MUC5B: variants seen among roughly 807,000 people sequenced by gnomAD.
MUC5B encodes the protein mucin 5B, oligomeric mucus/gel-forming.
In MUC5B, 116 loss-of-function variants were observed where a neutral mutation model predicts 376.9. The observed-to-expected ratio is 0.31, with a 90% CI of 0.26 to 0.36. The LOEUF (loss-of-function observed/expected upper bound fraction) is 0.36, where lower values mean the gene tolerates loss of function less well. Among genes scored for constraint, MUC5B ranks in the 10% least tolerant of loss-of-function variants. The pLI is 1.00. For synonymous variants in MUC5B, 3,517 were observed against 3,390.9 expected (o/e 1.04, Z -1.29); for missense variants, 7,165 against 7,769.9 (o/e 0.92, Z 2.93).
At chr11:1,254,671 A>C in intron 34 of MUC5B, 23 bp from the exon 35 acceptor site, 1 of 1,603,486 alleles carries the variant, frequency 6.2e-7, no homozygotes, top group Non-Finnish European at 8.5e-7. Context: ...CTCCCAGCTC[A>C]GGGTTCCCCT....
At position 1,248,606 on chromosome 11, in the gene MUC5B, T is replaced by C. The variant is rs781298865; in HGVS notation, c.11726T>C (p.Val3909Ala). The C allele has an allele frequency of 3.3e-5, 53 of 1,608,794 alleles. No individual in the cohort carries two copies. The African/African-American group carries it at 6.7e-4, about 20-fold the overall frequency. Reference protein sequence around the residue: ...TSGSTVTPSSVPGTTHTPTVL... With the variant: ...TSGSTVTPSSAPGTTHTPTVL... ...GGCTCCACGGTGACCCCCTCCTCCGTCCCGGGGACCACCCACACCCCCACA... is the reference window on the plus strand; with the variant it reads ...GGCTCCACGGTGACCCCCTCCTCCGCCCCGGGGACCACCCACACCCCCACA... The change falls in exon 31 of 49, where the codon GTC (valine) becomes GCC (alanine). Residue 3909 changes from valine to alanine, a missense_variant. Coordinates refer to ENST00000529681, the MANE Select transcript of MUC5B (RefSeq NM_002458.3).
Position 1,242,280 on chromosome 11 carries a change from C to T in MUC5B, c.5400C>T (p.Thr1800=). ...AGTGGTTTGACGTGGACTTCCCAAC[C>T]TCAGGGGTTGCAGGCGGGGACATGG... is the stretch of plus-strand genomic sequence containing the variant. The part of the protein sequence containing the change: ...WTEWFDVDFP[T]SGVAGGDMET... The change falls in exon 31 of 49, where the codon ACC becomes ACT. Residue 1800 remains threonine, a synonymous_variant. Coordinates refer to ENST00000529681, the MANE Select transcript of MUC5B (RefSeq NM_002458.3). The T allele has an allele frequency of 1.2e-6, 2 of 1,613,922 alleles. No individual in the cohort carries two copies. Among genetic ancestry groups the T allele is most frequent in the African/African-American group, 2.7e-5 (2 of 75,038 alleles).
At position 1,253,036 on chromosome 11, in the gene MUC5B, C is replaced by T. The variant is rs771766688; in HGVS notation, c.15217+56C>T. The stretch of plus-strand genomic sequence containing the variant: ...CGGGGGCAGGTGGAGCAGAGTGCAC[C>T]GTCGGCTAGGCTGGCAGAATGGGGC... On this transcript the variant is annotated intron_variant, in intron 33 of 48. Transcript: ENST00000529681. The surrounding 1 kb of genome is among the most constrained non-coding windows in gnomAD (Gnocchi z 4.3). The T allele has an allele frequency of 3.6e-5, 52 of 1,429,656 alleles. No homozygotes were observed. The Admixed American group carries it at 6.9e-4, about 19-fold the overall frequency. 88.6% of individuals were successfully genotyped at this position (1,429,656 alleles called of 1,614,324 possible).
chr11:1,250,932 C>T lies in MUC5B; in HGVS notation c.14052C>T (p.Ala4684=). The T allele has an allele frequency of 1.2e-6, 2 of 1,603,132 alleles. No individual in the cohort carries two copies. Among genetic ancestry groups the T allele is most frequent in the African/African-American group, 1.3e-5 (1 of 74,510 alleles). ...SGTPPSLTTT[A]TTITATGSTT... is the part of the protein sequence containing the mutation. ...CTCCCCCATCACTGACCACCACGGC[C>T]ACTACGATCACGGCCACCGGCTCCA... The change falls in exon 31 of 49, where the codon GCC becomes GCT. Residue 4684 remains alanine (A), a synonymous_variant. Coordinates refer to ENST00000529681, the MANE Select transcript of MUC5B (RefSeq NM_002458.3).
rs374072351 is a variant in MUC5B at position 1,241,307 on chromosome 11, C to T, written c.4427C>T (p.Ser1476Leu). 5.2e-5 allele frequency: 84 copies of T among 1,604,268 alleles called. No individual in the cohort carries two copies. Among genetic ancestry groups the T allele is most frequent in the Non-Finnish European group, 6.6e-5 (78 of 1,175,410 alleles). The part of the protein sequence containing the change: ...TTLWVTPSIR[S>L]TAALTSQTGS... ...CTATGGGTGACCCCGAGCATCCGGT[C>T]GACGGCGGCCCTCACCTCGCAGACT... The change falls in exon 31 of 49, where the codon TCG becomes TTG. Residue 1476 changes from serine to leucine, a missense_variant. Around this residue, in one of 31 missense-constraint regions of MUC5B, gnomAD observed 517 missense variants for 545.3 expected, o/e 0.95. Transcript: ENST00000529681.
chr11:1,260,468 T>G, intron 47 of MUC5B, 75 bp downstream of exon 47: 1 of 1,556,142 alleles, frequency 6.4e-7, no homozygotes, highest in East Asian at 2.3e-5. Flanking sequence ...TGCCCAGACA[T>G]CTGCACTAGG....
Position 1,243,270 on chromosome 11 carries a change from C to A in MUC5B, c.6390C>A (p.Pro2130=), listed in dbSNP as rs766127746. 3.2e-6 allele frequency: 5 copies of A among 1,555,604 alleles called. No homozygotes were observed. In the East Asian group the frequency reaches 1.2e-4, roughly 38 times the overall value. The change falls in exon 31 of 49, where the codon CCC becomes CCA. Residue 2130 remains proline, a synonymous_variant. Coordinates refer to ENST00000529681, the MANE Select transcript of MUC5B (RefSeq NM_002458.3). ...CTAGCACACAGACCAGTGGTACTCC[C>A]CCATCACTGACCACCACGGCCACTA... The part of the protein sequence containing the change: ...PSSSTQTSGT[P]PSLTTTATTI...
intron 15 of MUC5B, 63 bp from the exon 16 acceptor site, chr11:1,232,387 C>A: frequency 6.6e-7 from 1 of 1,515,334 alleles, no homozygotes; most frequent in East Asian, 2.5e-5. Context: ...GGTCGCAGGC[C>A]TGCGTGTCAG....
In MUC5B at chr11:1,249,843, C is replaced by T. The variant is rs776740108; in HGVS notation, c.12963C>T (p.Thr4321=). ...LTSTATKSTA[T]SVTPIPSSTL... ...GCACAGCCACCAAATCCACAGCTAC[C>T]AGCGTTACACCCATCCCCTCCTCCA... is the stretch of plus-strand genomic sequence containing the variant. The change falls in exon 31 of 49, where the codon ACC becomes ACT. Residue 4321 remains threonine (T), a synonymous_variant. Coordinates refer to ENST00000529681, the MANE Select transcript of MUC5B (RefSeq NM_002458.3). 2.1e-5 allele frequency: 34 copies of T among 1,613,592 alleles called. No individual in the cohort carries two copies. The highest frequency in any genetic ancestry group is 2.2e-5 in the East Asian group (1 of 44,886).
intron 1 of MUC5B, among the ~76,000 whole-genome samples, chr11:1,224,490 TGGGGAGGGGCTGTCTGGGGCA>T (rs1201126692): frequency 3.1e-3 from 68 of 22,010 alleles, no homozygotes; most frequent in Non-Finnish European, 4.5e-3. Context: ...TTGCCTGGGT[TGGGGAGGGGCTGTCTGGGGCA>T]GGGGAGGAGC....
At chr11:1,235,610 A>G in intron 23 of MUC5B, 197 bp downstream of exon 23, 2 of 600,798 alleles carry the variant, frequency 3.3e-6, no homozygotes, top group Non-Finnish European at 6.0e-6. Context: ...GAAGTCAGAG[A>G]TCCAGGCGGG....
At position 1,240,835 on chromosome 11, in the gene MUC5B, C is replaced by A; in HGVS notation, c.3971-16C>A. 1 of 1,594,924 alleles carries A rather than the reference C, an allele frequency of 6.3e-7. No homozygotes were observed. The highest frequency in any genetic ancestry group is 8.5e-7 in the Non-Finnish European group (1 of 1,171,096). ...GAGGATGCTGAGCCAGGACCCCTTT[C>A]CCATGCCCCTTGCAGGCCCGGCCCT... On this transcript the variant is annotated splice_polypyrimidine_tract_variant and intron_variant, in intron 30 of 48. Coordinates refer to ENST00000529681, the MANE Select transcript of MUC5B (RefSeq NM_002458.3).
intron 4 of MUC5B, 69 bp from the exon 5 acceptor site, chr11:1,226,962 T>TGG: frequency 3.7e-6 from 2 of 543,660 alleles, no homozygotes; most frequent in Non-Finnish European, 6.4e-6. Flanking sequence ...GGGCCAGGGC[T>TGG]GGGGGGGGGT....
chr11:1,233,979 C>G (rs1862099361), intron 19 of MUC5B, 131 bp downstream of exon 19: 3 of 977,012 alleles, frequency 3.1e-6, no homozygotes, highest in South Asian at 1.5e-5. Flanking sequence ...CACCTGGGCT[C>G]TGCCACAGGC....
Position 1,255,513 on chromosome 11 carries a change from CG to C in MUC5B, c.16025del (p.Gly5342GlufsTer125). ...LEAYAELCRA[R>X]GVCSDWRGAT... ...GGCTTACGCAGAGCTCTGCCGCGCCCGGGGAGTGTGCAGTGACTGGCGAGGT... is the reference window on the plus strand; with the variant it reads ...GGCTTACGCAGAGCTCTGCCGCGCCCGGGAGTGTGCAGTGACTGGCGAGGT... On this transcript the variant is annotated frameshift_variant, in exon 37 of 49. Transcript: ENST00000529681. LOFTEE classifies it high-confidence loss of function. The C allele has an allele frequency of 6.4e-7, 1 of 1,550,662 alleles. No individual in the cohort carries two copies. The highest frequency in any genetic ancestry group is 8.7e-7 in the Non-Finnish European group (1 of 1,146,818).
Position 1,256,666 on chromosome 11 carries a change from T to C in MUC5B, c.16137-5T>C. 2.6e-6 allele frequency: 4 copies of C among 1,557,964 alleles called. No individual in the cohort carries two copies. The African/African-American group carries it at 5.5e-5, about 21-fold the overall frequency. On this transcript the variant is annotated splice_polypyrimidine_tract_variant and splice_region_variant and intron_variant, in intron 38 of 48. Transcript: ENST00000529681. ...GGTCTCAGGGCCTCTCTTGTCATCC[T>C]GCAGGAACCAGAGCCCACAGCTGGA...
At chr11:1,226,386 C>T (rs1458779945) in intron 3 of MUC5B, 110 bp downstream of exon 3, 1 of 1,393,416 alleles carries the variant, frequency 7.2e-7, no homozygotes, top group Non-Finnish European at 9.9e-7. Flanking sequence ...TTGGGCCAGA[C>T]CCAGAGTCCT....
rs1292826026 is a variant in MUC5B at position 1,229,242 on chromosome 11, A to G, written c.1049A>G (p.Gln350Arg). ...TGCACGGACACCTGCTCCAACCCCC[A>G]GCGCGCGCAGCTCTGCGAGGACCAC... ...SPCTDTCSNP[Q>R]RAQLCEDHCV... is the part of the protein sequence containing the mutation. The change falls in exon 9 of 49, where the codon CAG (glutamine) becomes CGG (arginine). Residue 350 changes from glutamine (Q) to arginine (R), a missense_variant. By Grantham distance (43) the Gln-to-Arg change is conservative. Transcript: ENST00000529681. 1.3e-6 allele frequency: 2 copies of G among 1,594,406 alleles called. No individual in the cohort carries two copies. Among genetic ancestry groups the G allele is most frequent in the Admixed American group, 3.4e-5 (2 of 58,602 alleles).
At position 1,234,996 on chromosome 11, in the gene MUC5B, G is replaced by A. The variant is rs910232600; in HGVS notation, c.2631-89G>A. ...CTGGGCCTGGGGAGGCTGAGGCCCC[G>A]TGCTGACCTGCACAGGCCTGGGTGC... On this transcript the variant is annotated intron_variant, in intron 21 of 48. Coordinates refer to ENST00000529681, the MANE Select transcript of MUC5B (RefSeq NM_002458.3). This position sits in a 1 kb window ranked among gnomAD's most constrained non-coding sequence, Gnocchi z 6.3. 3.4e-5 allele frequency: 51 copies of A among 1,485,694 alleles called. No individual in the cohort carries two copies. The highest frequency in any genetic ancestry group is 4.3e-5 in the Non-Finnish European group (48 of 1,118,548). The allele number at this position is 1,485,694 out of a possible 1,614,324, so 92.0% of individuals were successfully genotyped here. A position where few individuals can be genotyped will look rare whatever the true frequency, so the allele number is the denominator to read the frequency against.
Sources: allele counts gnomAD v4.1 joint callset (sites outside exome capture counted in the v4.1 genomes callset), GRCh38; gene constraint gnomAD v4.1.1; regional missense constraint gnomAD v4.1.1; non-coding constraint Gnocchi (gnomAD v3.1); transcripts MANE v1.5; gene names NCBI Gene and HGNC (gene_info 2026-07-23, HGNC 2026-07-21).